The following GSG1L variants were observed in gnomAD, a reference collection of about 807,000 sequenced individuals.
GSG1L encodes germ cell-specific gene 1-like protein.
A neutral mutation model predicts 42.1 loss-of-function variants in GSG1L; 24 were observed. That is an observed-to-expected ratio of 0.57 (90% CI 0.41 to 0.80). GSG1L has a LOEUF of 0.80. GSG1L is among the 30% of genes least tolerant of loss of function. GSG1L has a pLI of 0.00. For synonymous variants in GSG1L, 215 were observed against 203.5 expected, an observed-to-expected ratio of 1.06 and a Z score of -0.48; for missense variants, 445 against 472.2, an observed-to-expected ratio of 0.94 and a Z score of 0.53.
intron 1 of GSG1L, among the ~76,000 whole-genome samples, chr16:28,018,547 G>C (rs1459945534): frequency 6.6e-6 from 1 of 152,096 alleles, no homozygotes; most frequent in African/African-American, 2.4e-5. Context: ...GCCAGAACTG[G>C]GTCACTAAAC....
intron 1 of GSG1L, among the ~76,000 whole-genome samples, chr16:27,995,679 G>T (rs2085507923): frequency 6.6e-6 from 1 of 152,166 alleles, no homozygotes; most frequent in South Asian, 2.1e-4. Flanking sequence ...CCTGACACGT[G>T]AACACAAAGT....
intron 6 of GSG1L, among the ~76,000 whole-genome samples, chr16:27,794,533 G>A (rs531764020): frequency 2.0e-5 from 3 of 152,018 alleles, no homozygotes; most frequent in South Asian, 2.1e-4. Context: ...GGGTTTCACC[G>A]TGTTAGCCAG....
At chr16:27,909,161 G>A (rs1350547734) in intron 2 of GSG1L, among the ~76,000 whole-genome samples, 1 of 152,064 alleles carries the variant, frequency 6.6e-6, no homozygotes, top group Non-Finnish European at 1.5e-5. Flanking sequence ...CACAGCAAGA[G>A]TTCTCTCTAG....
At chr16:27,918,916 G>T (rs996296033) in intron 2 of GSG1L, among the ~76,000 whole-genome samples, 3 of 152,006 alleles carry the variant, frequency 2.0e-5, no homozygotes, top group African/African-American at 7.2e-5. Flanking sequence ...CATCATTCCC[G>T]TTCCTTTACC....
At chr16:27,860,901 C>G (rs2083640895) in intron 3 of GSG1L, among the ~76,000 whole-genome samples, 1 of 152,084 alleles carries the variant, frequency 6.6e-6, no homozygotes, top group African/African-American at 2.4e-5. Context: ...ATGAGTGTTA[C>G]AGAAGCTGTG....
intron 5 of GSG1L, among the ~76,000 whole-genome samples, chr16:27,823,632 T>A (rs1182447510): frequency 6.6e-6 from 1 of 152,102 alleles, no homozygotes; most frequent in Non-Finnish European, 1.5e-5. Flanking sequence ...AGGGAGCCCA[T>A]GAGCTCTGTC....
chr16:27,814,517 G>C (rs887861604), intron 5 of GSG1L, among the ~76,000 whole-genome samples: 1 of 152,028 alleles, frequency 6.6e-6, no homozygotes, highest in African/African-American at 2.4e-5. Flanking sequence ...TGTAAATAAT[G>C]CAAGAAAAAA....
chr16:27,892,516 C>T (rs2084141285), intron 2 of GSG1L, among the ~76,000 whole-genome samples: 1 of 152,078 alleles, frequency 6.6e-6, no homozygotes. Context: ...GTAATCCCAG[C>T]ACTTTGGGAG....
chr16:27,873,895 A>T (rs2083853474), intron 3 of GSG1L, among the ~76,000 whole-genome samples: 1 of 152,194 alleles, frequency 6.6e-6, no homozygotes, highest in African/African-American at 2.4e-5. Context: ...GGGACTCCCC[A>T]TAGAGGGCCA....
At chr16:28,048,206 C>T (rs930888925) in intron 1 of GSG1L, among the ~76,000 whole-genome samples, 53 of 151,864 alleles carry the variant, frequency 3.5e-4, no homozygotes, top group African/African-American at 1.0e-3. Context: ...CCAGCCTGGA[C>T]GACAGAGCAA....
intron 1 of GSG1L, among the ~76,000 whole-genome samples, chr16:28,016,896 C>G (rs1034551660): frequency 1.2e-4 from 19 of 152,188 alleles, no homozygotes; most frequent in Non-Finnish European, 2.4e-4. Flanking sequence ...TTGCCTCCCC[C>G]ACAATGTCCA....
chr16:27,954,505 C>T (rs530837185), intron 2 of GSG1L, among the ~76,000 whole-genome samples: 128 of 152,288 alleles, frequency 8.4e-4, no homozygotes, highest in Non-Finnish European at 1.7e-3. Context: ...TGAGATACCT[C>T]CCAGGCCCCC....
intron 3 of GSG1L, among the ~76,000 whole-genome samples, chr16:27,870,309 CCTCT>C (rs970963816): frequency 7.4e-5 from 11 of 147,668 alleles, no homozygotes; most frequent in South Asian, 2.2e-4. Context: ...CTCTCTCTCT[CCTCT>C]CTCTCTGTCT....
rs2082757179 is a variant in GSG1L, at chr16:27,791,795, C to T, written c.899-328G>A. On this transcript the variant is annotated intron_variant, in intron 6 of 6. Transcript: ENST00000447459. ...TCCAACCCACAGCCCAGAACCCGCT[C>T]ATGCACCTCACACCTGCCAACAGGT... 2.0e-5 allele frequency among the ~76,000 whole-genome samples: 3 copies of T among 152,168 alleles called. No homozygotes were observed. The South Asian group carries it at 6.2e-4, about 32-fold the overall frequency.
intron 1 of GSG1L, among the ~76,000 whole-genome samples, chr16:27,965,007 T>G (rs1013967713): frequency 6.6e-5 from 10 of 152,136 alleles, no homozygotes; most frequent in Non-Finnish European, 1.3e-4. Context: ...CCCACAAAAA[T>G]TAAATATTTT....
intron 1 of GSG1L, 139 bp downstream of exon 1, chr16:28,062,932 GAACGT>G: frequency 2.6e-6 from 3 of 1,154,580 alleles, no homozygotes; most frequent in Non-Finnish European, 3.2e-6. Context: ...CCCTGCCCCG[GAACGT>G]CGCCCCTAGC....
chr16:27,865,523 C>CTATA (rs1172385916), intron 3 of GSG1L, among the ~76,000 whole-genome samples: 179 of 57,990 alleles, frequency 3.1e-3, no homozygotes, highest in Non-Finnish European at 4.4e-3. Context: ...CTCTCTCTTT[C>CTATA]TATATATATA....
At chr16:27,829,009 A>G (rs777354902) in intron 4 of GSG1L, 53 bp from the exon 5 acceptor site, 83 of 1,559,138 alleles carry the variant, frequency 5.3e-5, no homozygotes, top group Admixed American at 2.8e-4. Context: ...AAGGGACAGG[A>G]AAAATCCCAC....
chr16:27,946,243 C>A (rs2084858843), intron 2 of GSG1L, among the ~76,000 whole-genome samples: 1 of 152,136 alleles, frequency 6.6e-6, no homozygotes, highest in Non-Finnish European at 1.5e-5. Context: ...ACCCAAAGAG[C>A]TGTCGAAAGA....
Sources: allele counts gnomAD v4.1 joint callset (sites outside exome capture counted in the v4.1 genomes callset), GRCh38; gene constraint gnomAD v4.1.1; transcripts MANE v1.5; gene names NCBI Gene and HGNC (gene_info 2026-07-23, HGNC 2026-07-21).